Variants in CCSER1 observed in about 807,000 individuals in gnomAD.
The protein encoded by CCSER1 is serine-rich coiled-coil domain-containing protein 1.
A neutral mutation model predicts 82.0 loss-of-function variants in CCSER1; 41 were observed. That is an observed-to-expected ratio of 0.50 (90% CI 0.39 to 0.65). The LOEUF (loss-of-function observed/expected upper bound fraction) is 0.65. Ranked by LOEUF, CCSER1 falls within the 30% of genes least tolerant of loss-of-function variation. The pLI, the probability that CCSER1 is intolerant of heterozygous loss-of-function variation, is 0.00. For missense variants in CCSER1, 1,119 were observed against 1,064.2 expected, an observed-to-expected ratio of 1.05 and a Z score of -0.72; for synonymous variants, 414 against 383.9, an observed-to-expected ratio of 1.08 and a Z score of -0.92.
intron 6 of CCSER1, among the ~76,000 whole-genome samples, chr4:90,647,760 A>T (rs1473205171): frequency 1.3e-5 from 2 of 152,182 alleles, no homozygotes; most frequent in African/African-American, 4.8e-5. Flanking sequence ...ACATTTGTTT[A>T]TGATAAGTTT....
At chr4:91,316,491 A>G (rs1271193329) in intron 10 of CCSER1, among the ~76,000 whole-genome samples, 1 of 152,004 alleles carries the variant, frequency 6.6e-6, no homozygotes, top group Non-Finnish European at 1.5e-5. Flanking sequence ...TTCATTCATT[A>G]CTTATAATGG....
At chr4:90,797,163 C>T (rs1756151858) in intron 7 of CCSER1, among the ~76,000 whole-genome samples, 1 of 152,074 alleles carries the variant, frequency 6.6e-6, no homozygotes, top group Non-Finnish European at 1.5e-5. Context: ...AATCTGGGTA[C>T]TCCTATGTTG....
intron 3 of CCSER1, among the ~76,000 whole-genome samples, chr4:90,354,346 A>G (rs1308276270): frequency 6.6e-6 from 1 of 152,218 alleles, no homozygotes; most frequent in Non-Finnish European, 1.5e-5. Context: ...TAAGATGAAT[A>G]TAAATATTTG....
intron 10 of CCSER1, among the ~76,000 whole-genome samples, chr4:91,293,813 G>C (rs1743948635): frequency 1.3e-5 from 2 of 151,852 alleles, no homozygotes; most frequent in African/African-American, 2.4e-5. Context: ...AAAAAGAATA[G>C]CAAAAGATAT....
intron 10 of CCSER1, among the ~76,000 whole-genome samples, chr4:91,434,335 C>T (rs1188185520): frequency 1.3e-5 from 2 of 151,892 alleles, no homozygotes; most frequent in African/African-American, 4.8e-5. Flanking sequence ...CGTAGCAACT[C>T]AATAGGCAGA....
chr4:91,229,878 A>G (rs1738488288), intron 10 of CCSER1, among the ~76,000 whole-genome samples: 1 of 152,060 alleles, frequency 6.6e-6, no homozygotes, highest in Non-Finnish European at 1.5e-5. Context: ...CAAAATACCT[A>G]ATGCACACAG....
intron 10 of CCSER1, among the ~76,000 whole-genome samples, chr4:91,382,005 G>A (rs1750935301): frequency 1.3e-5 from 2 of 152,206 alleles, no homozygotes; most frequent in South Asian, 2.1e-4. Flanking sequence ...CTCTGTTGGA[G>A]TTTGCTGGAG....
intron 3 of CCSER1, among the ~76,000 whole-genome samples, chr4:90,372,223 T>C (rs1354430816): frequency 6.6e-6 from 1 of 152,190 alleles, no homozygotes; most frequent in Non-Finnish European, 1.5e-5. Flanking sequence ...GTGGCTTATA[T>C]GGCCACATAA....
rs548667381 is a variant in CCSER1 at position 90,528,775 on chromosome 4, C to A, written c.1724+60421C>A. On this transcript the variant is annotated intron_variant, in intron 5 of 10. Transcript: ENST00000509176. ...TGTTGTTAAATGCAACTTACTCATT[C>A]CCAATGGGTTGTAGAGAAGTTTTAA... 6.6e-4 allele frequency among the ~76,000 whole-genome samples: 101 copies of A among 152,234 alleles called. No individual in the cohort carries two copies. The South Asian group carries it at 0.012, about 18-fold the overall frequency.
At chr4:90,403,290 G>T (rs1204995713) in intron 4 of CCSER1, among the ~76,000 whole-genome samples, 3 of 151,910 alleles carry the variant, frequency 2.0e-5, no homozygotes, top group African/African-American at 7.3e-5. Context: ...ACGAGGTCAG[G>T]AGATCGAGAC....
intron 9 of CCSER1, among the ~76,000 whole-genome samples, chr4:90,994,159 A>T (rs867075828): frequency 4.1e-4 from 62 of 151,758 alleles, no homozygotes; most frequent in African/African-American, 1.5e-3. Context: ...TCATCACATG[A>T]ATAACCACTG....
chr4:91,507,122 GTCT>G (rs1759538168), intron 10 of CCSER1, among the ~76,000 whole-genome samples: 1 of 152,042 alleles, frequency 6.6e-6, no homozygotes, highest in African/African-American at 2.4e-5. Context: ...GTGGATATAT[GTCT>G]TCTTATGTCT....
intron 10 of CCSER1, among the ~76,000 whole-genome samples, chr4:91,519,549 T>A (rs2110136522): frequency 6.6e-6 from 1 of 152,362 alleles, no homozygotes; most frequent in Admixed American, 6.5e-5. Flanking sequence ...CAGCCATGTG[T>A]GCCTGAGCAG....
intron 10 of CCSER1, among the ~76,000 whole-genome samples, chr4:91,142,136 G>A (rs1729094109): frequency 6.6e-6 from 1 of 152,120 alleles, no homozygotes; most frequent in African/African-American, 2.4e-5. Context: ...CGTGTCAAGG[G>A]TGGGGGACAG....
intron 9 of CCSER1, among the ~76,000 whole-genome samples, chr4:90,989,565 G>GT (rs1299486138): frequency 6.6e-6 from 1 of 151,766 alleles, no homozygotes; most frequent in African/African-American, 2.4e-5. Flanking sequence ...GATTTCTACT[G>GT]TAAGGGTAAA....
At chr4:91,166,363 A>C (rs1483943352) in intron 10 of CCSER1, among the ~76,000 whole-genome samples, 1 of 152,110 alleles carries the variant, frequency 6.6e-6, no homozygotes, top group Admixed American at 6.6e-5. Context: ...CTGGTGATTA[A>C]AAAAAAGTGA....
At chr4:90,497,395 C>G (rs1298300342) in intron 5 of CCSER1, among the ~76,000 whole-genome samples, 1 of 152,092 alleles carries the variant, frequency 6.6e-6, no homozygotes, top group African/African-American at 2.4e-5. Flanking sequence ...CAAGCCAGAA[C>G]CATTCATCAG....
At chr4:90,174,146 AATT>A (rs1292696455) in intron 1 of CCSER1, among the ~76,000 whole-genome samples, 1 of 151,890 alleles carries the variant, frequency 6.6e-6, no homozygotes, top group African/African-American at 2.4e-5. Context: ...TCTAATAAGG[AATT>A]ATTATTAGAA....
At chr4:91,023,313 G>A (rs1176985394) in intron 9 of CCSER1, among the ~76,000 whole-genome samples, 1 of 152,032 alleles carries the variant, frequency 6.6e-6, no homozygotes, top group Non-Finnish European at 1.5e-5. Context: ...CTACTCTAAA[G>A]TTCATATGGA....
Sources: gnomAD v4.1 joint callset for allele counts (sites outside exome capture counted in the v4.1 genomes callset) on GRCh38, gnomAD v4.1.1 for gene constraint, MANE v1.5 for transcripts, NCBI Gene and HGNC (gene_info 2026-07-23, HGNC 2026-07-21) for gene names.